The following HCN2 variants were observed in gnomAD, a reference collection of about 807,000 sequenced individuals.
The protein encoded by HCN2 is potassium/sodium hyperpolarization-activated cyclic nucleotide-gated channel 2.
Under a neutral mutation model 52.3 loss-of-function variants are expected in HCN2, and 20 were observed. The observed-to-expected ratio is 0.38, with a 90% CI of 0.27 to 0.56. The LOEUF (loss-of-function observed/expected upper bound fraction) is 0.56, where lower values mean the gene tolerates loss of function less well. Among genes scored for constraint, HCN2 ranks in the 20% least tolerant of loss-of-function variants. The pLI, the probability that HCN2 is intolerant of heterozygous loss-of-function variation, is 0.71. For missense variants in HCN2, 981 were observed against 1,207.7 expected, an observed-to-expected ratio of 0.81 and a Z score of 2.78; for synonymous variants, 694 against 537.0, an observed-to-expected ratio of 1.29 and a Z score of -4.04.
Position 615,882 on chromosome 19 carries a change from A to T in HCN2, c.2078A>T (p.Glu693Val), listed in dbSNP as rs1220232565. The change falls in exon 8 of 8, where the codon GAG (glutamate) becomes GTG (valine). Residue 693 changes from glutamate (E) to valine (V), a missense_variant. By Grantham distance (121) the Glu-to-Val change is moderately radical (BLOSUM62 -2). Transcript: ENST00000251287. ...FNNQENAIIQ[E>V]IVKYDREMVQ... ...AACCAGGAGAACGCCATCATCCAGGAGATCGTCAAGTACGACCGCGAGATG... is the reference window on the plus strand; with the variant it reads ...AACCAGGAGAACGCCATCATCCAGGTGATCGTCAAGTACGACCGCGAGATG... 6.2e-7 allele frequency: 1 copy of T among 1,612,876 alleles called. No individual in the cohort carries two copies. The highest frequency in any genetic ancestry group is 1.3e-5 in the African/African-American group (1 of 74,916).
chr19:596,034 G>A (rs1368874595), intron 1 of HCN2, among the ~76,000 whole-genome samples: 3 of 152,240 alleles, frequency 2.0e-5, no homozygotes, highest in Non-Finnish European at 4.4e-5. Context: ...GATCCAAGGG[G>A]CTGAGGGTCC....
chr19:596,078 C>T (rs890884701), intron 1 of HCN2, among the ~76,000 whole-genome samples: 2 of 152,210 alleles, frequency 1.3e-5, no homozygotes, highest in African/African-American at 2.4e-5. Flanking sequence ...CTGGTGTCCT[C>T]GTGGGGTTTG....
chr19:599,621 T>C (rs979559665), intron 1 of HCN2, among the ~76,000 whole-genome samples: 1 of 135,250 alleles, frequency 7.4e-6, no homozygotes, highest in Non-Finnish European at 1.6e-5. Flanking sequence ...CTACTAAAAA[T>C]ACAAAAAAAA....
Position 616,191 on chromosome 19 carries a change from G to T in HCN2, c.2387G>T (p.Gly796Val), listed in dbSNP as rs955102414. The change falls in exon 8 of 8, where the codon GGC becomes GTC. Residue 796 changes from glycine to valine, a missense_variant. Gly to Val is a moderately radical substitution (Grantham distance 109). Coordinates refer to ENST00000251287, the MANE Select transcript of HCN2 (RefSeq NM_001194.4). ...SPRAPRTSPYGGLPAAPLAGP... is the reference protein window; with the variant it reads ...SPRAPRTSPYVGLPAAPLAGP... ...CGGGCACCGCGGACCTCGCCCTACG[G>T]CGGCCTGCCCGCCGCCCCCCTTGCT... 1.3e-5 allele frequency: 13 copies of T among 982,042 alleles called. No homozygotes were observed. The Admixed American group carries it at 1.8e-4, about 14-fold the overall frequency. The allele number at this position is 982,042 out of a possible 1,614,324, so 60.8% of individuals were successfully genotyped here.
At chr19:602,853 G>T (rs970147262) in intron 1 of HCN2, among the ~76,000 whole-genome samples, 1 of 152,238 alleles carries the variant, frequency 6.6e-6, no homozygotes, top group Admixed American at 6.5e-5. Flanking sequence ...CTAGGGCAGC[G>T]CAGTGGGCGT....
chr19:609,759 G>A (rs547354231), intron 4 of HCN2, among the ~76,000 whole-genome samples: 47 of 152,248 alleles, frequency 3.1e-4, no homozygotes, highest in Admixed American at 1.6e-3. Flanking sequence ...GAATCAGCCA[G>A]GCGTGGTGGC....
At chr19:598,798 CGG>C (rs145823652) in intron 1 of HCN2, among the ~76,000 whole-genome samples, 4,340 of 152,292 alleles carry the variant, frequency 0.028, 194 homozygotes, top group African/African-American at 0.099. Flanking sequence ...TTAGTAGAGA[CGG>C]GGTTTCACCG....
chr19:613,806 C>A (rs754120325), intron 6 of HCN2, 46 bp from the exon 7 acceptor site: 6 of 1,449,596 alleles, frequency 4.1e-6, no homozygotes, highest in African/African-American at 3.1e-5. Context: ...GGGAGGGCCG[C>A]GGCGCCCGCC....
At chr19:605,748 T>C (rs113639544) in intron 3 of HCN2, among the ~76,000 whole-genome samples, 177 of 88,354 alleles carry the variant, frequency 2.0e-3, no homozygotes, top group Middle Eastern at 8.2e-3. Context: ...CTTACAGAGG[T>C]GGGGACCCAG....
At position 616,867 on chromosome 19, in the gene HCN2, G is replaced by C. The variant is rs1434133058; in HGVS notation, c.*393G>C. 4.2e-6 allele frequency: 1 copy of C among 238,234 alleles called. No homozygotes were observed. Among genetic ancestry groups the C allele is most frequent in the Non-Finnish European group, 8.1e-6 (1 of 122,770 alleles). The allele number at this position is 238,234 out of a possible 1,614,324, so 14.8% of individuals were successfully genotyped here. Reference sequence around the variant, plus strand: ...GTCCGAGGAGGATCGTTTTCTAAGTGCAATACTTGGCCCGCCGGCTTCCCG... The same window carrying C: ...GTCCGAGGAGGATCGTTTTCTAAGTCCAATACTTGGCCCGCCGGCTTCCCG... On this transcript the variant is annotated 3_prime_UTR_variant, in exon 8 of 8. Coordinates refer to ENST00000251287, the MANE Select transcript of HCN2 (RefSeq NM_001194.4).
At chr19:613,531 G>A (rs769485565) in intron 6 of HCN2, 43 bp downstream of exon 6, 1 of 1,431,770 alleles carries the variant, frequency 7.0e-7, no homozygotes, top group African/African-American at 1.5e-5. Context: ...GGGGGCACGC[G>A]ACCCCCGCGG....
chr19:594,299 G>A (rs1982959059), intron 1 of HCN2, among the ~76,000 whole-genome samples: 1 of 152,184 alleles, frequency 6.6e-6, no homozygotes, highest in Non-Finnish European at 1.5e-5. Flanking sequence ...GAGCTCTGGG[G>A]GGCACAGGGC....
At chr19:609,322 A>G (rs746669329) in intron 4 of HCN2, among the ~76,000 whole-genome samples, 1 of 152,170 alleles carries the variant, frequency 6.6e-6, no homozygotes, top group East Asian at 1.9e-4. Context: ...TTCCCTGCTC[A>G]GGAGGGGCTG....
intron 2 of HCN2, among the ~76,000 whole-genome samples, chr19:604,730 G>T (rs1272924921): frequency 7.2e-6 from 1 of 138,964 alleles, no homozygotes. Flanking sequence ...AGACATCAGG[G>T]GTGGGGATAT....
chr19:615,191 G>C (rs961271239), intron 7 of HCN2, among the ~76,000 whole-genome samples: 1 of 152,124 alleles, frequency 6.6e-6, no homozygotes, highest in African/African-American at 2.4e-5. Flanking sequence ...AGTGATACCT[G>C]CTCCATGTAC....
Position 617,068 on chromosome 19 carries a change from A to C in HCN2, c.*594A>C, listed in dbSNP as rs1983997182. The C allele has an allele frequency of 3.5e-6, 2 of 578,800 alleles. No homozygotes were observed. The highest frequency in any genetic ancestry group is 6.2e-6 in the Non-Finnish European group (2 of 322,642). 35.9% of individuals were successfully genotyped at this position (578,800 alleles called of 1,614,324 possible). A position where few individuals can be genotyped will look rare whatever the true frequency, so the allele number is the denominator to read the frequency against. On this transcript the variant is annotated 3_prime_UTR_variant, in exon 8 of 8. Coordinates refer to ENST00000251287, the MANE Select transcript of HCN2 (RefSeq NM_001194.4). ...CGCCGCCGTGATGAATGTACTGACG[A>C]GCCGAGGCAGCAGTGCCCCCACCGT...
intron 1 of HCN2, among the ~76,000 whole-genome samples, chr19:601,874 C>T (rs1179361613): frequency 6.6e-6 from 1 of 151,864 alleles, no homozygotes; most frequent in African/African-American, 2.4e-5. Context: ...GCCAGAGCTT[C>T]CCAGGGAGAG....
intron 1 of HCN2, among the ~76,000 whole-genome samples, chr19:598,506 A>C (rs1983105062): frequency 6.6e-6 from 1 of 151,790 alleles, no homozygotes; most frequent in Non-Finnish European, 1.5e-5. Flanking sequence ...GGATCTCACT[A>C]TCTTGCCCAG....
At chr19:606,601 C>G (rs1983434891) in intron 3 of HCN2, among the ~76,000 whole-genome samples, 1 of 151,886 alleles carries the variant, frequency 6.6e-6, no homozygotes, top group Non-Finnish European at 1.5e-5. Context: ...GCCTGTAATC[C>G]CAGCACTTTG....
Sources: gnomAD v4.1 joint callset for allele counts (sites outside exome capture counted in the v4.1 genomes callset) on GRCh38, gnomAD v4.1.1 for gene constraint, MANE v1.5 for transcripts, NCBI Gene and HGNC (gene_info 2026-07-23, HGNC 2026-07-21) for gene names.